CYFIP1: variants seen among roughly 807,000 people sequenced by gnomAD.
The protein encoded by CYFIP1 is cytoplasmic FMR1 interacting protein 1, also known as cytoplasmic FMR1-interacting protein 1.
Under a neutral mutation model 163.5 loss-of-function variants are expected in CYFIP1, and 58 were observed. The observed-to-expected ratio is 0.35, with a 90% CI of 0.29 to 0.44. The LOEUF (loss-of-function observed/expected upper bound fraction) is 0.44. Among genes scored for constraint, CYFIP1 ranks in the 20% least tolerant of loss-of-function variants. The pLI is 1.00. For synonymous variants in CYFIP1, 663 were observed against 660.7 expected (o/e 1.00, Z -0.05); for missense variants, 1,338 against 1,653.8 (o/e 0.81, Z 3.31).
chr15:22,909,768 C>T (rs906868349), intron 20 of CYFIP1, among the ~76,000 whole-genome samples: 2 of 151,532 alleles, frequency 1.3e-5, no homozygotes, highest in Non-Finnish European at 2.9e-5. Context: ...AGTAAGTGTA[C>T]ATATTTATGG....
intron 25 of CYFIP1, 79 bp downstream of exon 25, chr15:22,881,767 C>T: frequency 7.3e-7 from 1 of 1,378,356 alleles, no homozygotes; most frequent in East Asian, 2.4e-5. Flanking sequence ...AAATCTAATC[C>T]TTCTCAAGAA....
At chr15:22,895,395 C>A (rs1245659942) in intron 22 of CYFIP1, among the ~76,000 whole-genome samples, 1 of 152,160 alleles carries the variant, frequency 6.6e-6, no homozygotes, top group Non-Finnish European at 1.5e-5. Flanking sequence ...AAACAATCTG[C>A]CTGCCTTGGC....
chr15:22,980,681 C>A (rs755501469), upstream of CYFIP1, among the ~76,000 whole-genome samples: 18 of 151,906 alleles, frequency 1.2e-4, 1 homozygote, highest in Admixed American at 1.2e-3. Flanking sequence ...GGGTCCGCAC[C>A]CTGTCCCGGG....
At chr15:22,972,211 G>A (rs898144451) in intron 1 of CYFIP1, among the ~76,000 whole-genome samples, 2 of 152,106 alleles carry the variant, frequency 1.3e-5, no homozygotes, top group South Asian at 2.1e-4. Context: ...TGAGGTGGGC[G>A]GATCACCTGA....
rs539967353 is a variant in CYFIP1 at position 22,954,358 on chromosome 15, ACAGGTAG to A, written c.-6-7074_-6-7068del. On this transcript the variant is annotated intron_variant, in intron 1 of 30. Coordinates refer to ENST00000617928, the MANE Select transcript of CYFIP1 (RefSeq NM_014608.6). ...CTGGCAAATGAACACAGAGCCAAGA[ACAGGTAG>A]GACGGAGTCACCCAGGTGGGACGCA... Among the ~76,000 whole-genome samples, 34 of 152,338 alleles carry A rather than the reference ACAGGTAG, an allele frequency of 2.2e-4. No homozygotes were observed. The East Asian group carries it at 6.4e-3, about 29-fold the overall frequency.
chr15:22,941,461 T>C (rs1022844079), intron 6 of CYFIP1, among the ~76,000 whole-genome samples: 1 of 152,048 alleles, frequency 6.6e-6, no homozygotes, highest in Non-Finnish European at 1.5e-5. Context: ...AGCCTCACCA[T>C]AACCATATGA....
chr15:22,935,006 T>A (rs752607962), intron 9 of CYFIP1, among the ~76,000 whole-genome samples: 1 of 152,186 alleles, frequency 6.6e-6, no homozygotes, highest in Non-Finnish European at 1.5e-5. Flanking sequence ...TCAAATTTTT[T>A]AAATGTCCAT....
intron 25 of CYFIP1, 75 bp from the exon 26 acceptor site, chr15:22,880,118 G>A (rs1488547733): frequency 3.2e-6 from 5 of 1,585,792 alleles, no homozygotes; most frequent in Non-Finnish European, 4.3e-6. Flanking sequence ...CCACAGCCAG[G>A]AGCACCTGCC....
chr15:22,952,382 G>A (rs1252672855), intron 1 of CYFIP1, among the ~76,000 whole-genome samples: 3 of 152,038 alleles, frequency 2.0e-5, no homozygotes, highest in Admixed American at 6.6e-5. Flanking sequence ...GGGGGAGGAC[G>A]CGGTGGCTCC....
chr15:22,918,176 GTTA>G (rs2061057641), intron 14 of CYFIP1, among the ~76,000 whole-genome samples: 1 of 152,232 alleles, frequency 6.6e-6, no homozygotes, highest in Non-Finnish European at 1.5e-5. Flanking sequence ...GTTCGCATCT[GTTA>G]GCCCAGGGCA....
intron 13 of CYFIP1, among the ~76,000 whole-genome samples, chr15:22,921,056 C>A (rs987961722): frequency 6.6e-6 from 1 of 151,958 alleles, no homozygotes; most frequent in Non-Finnish European, 1.5e-5. Context: ...CAAAATAAAC[C>A]CCCCCAAAAT....
chr15:22,909,372 C>T (rs1302992251), intron 20 of CYFIP1, 59 bp from the exon 21 acceptor site: 2 of 1,599,452 alleles, frequency 1.3e-6, no homozygotes, highest in Non-Finnish European at 1.7e-6. Context: ...TCGAAAACAA[C>T]AAACGCCTCA....
intron 13 of CYFIP1, among the ~76,000 whole-genome samples, chr15:22,920,651 A>G (rs1314537747): frequency 1.3e-5 from 2 of 152,144 alleles, no homozygotes; most frequent in Non-Finnish European, 2.9e-5. Flanking sequence ...TTCATGTAAG[A>G]CTCATGGTCT....
In CYFIP1 at chr15:22,917,813, C is replaced by T. The variant is rs754508864; in HGVS notation, c.1649G>A (p.Arg550His). 8.1e-6 allele frequency: 13 copies of T among 1,612,366 alleles called. No homozygotes were observed. Among genetic ancestry groups the T allele is most frequent in the African/African-American group, 2.7e-5 (2 of 74,896 alleles). The part of the protein sequence containing the change: ...KSGFDIKVPR[R>H]AVGPSSTQLY... ...CTGAGTGCTGGAGGGTCCCACGGCG[C>T]GGCGTGGTACTTTTATGTCGAAGCC... Residue 550 changes from arginine to histidine, a missense_variant, in exon 15 of 31, where the codon CGC becomes CAC. Arg to His is a conservative substitution (Grantham distance 29). This residue lies in a region of CYFIP1 where 824 missense variants were observed against 995.7 expected (regional missense o/e 0.83). Transcript: ENST00000617928. The surrounding 1 kb of genome is among the most constrained non-coding windows in gnomAD (Gnocchi z 4.2).
intron 6 of CYFIP1, among the ~76,000 whole-genome samples, chr15:22,940,706 C>T (rs2166258): frequency 0.25 from 37,464 of 152,152 alleles, 5,057 homozygotes; most frequent in East Asian, 0.48. Flanking sequence ...TACAGTTAAA[C>T]GTAATATTAA....
intron 11 of CYFIP1, among the ~76,000 whole-genome samples, chr15:22,928,527 C>T (rs1234574854): frequency 3.3e-5 from 5 of 152,172 alleles, no homozygotes; most frequent in Non-Finnish European, 5.9e-5. Context: ...AGGGACAGGC[C>T]GCTGCCACAG....
chr15:22,898,791 C>T (rs891516531), intron 22 of CYFIP1, among the ~76,000 whole-genome samples: 4 of 151,968 alleles, frequency 2.6e-5, no homozygotes, highest in African/African-American at 9.7e-5. Context: ...ATTATGAGGT[C>T]AGGAGATCAA....
Position 22,944,597 on chromosome 15 carries a change from C to T in CYFIP1, c.348G>A (p.Glu116=). 1 of 1,613,752 alleles carries T rather than the reference C, an allele frequency of 6.2e-7. No homozygotes were observed. Among genetic ancestry groups the T allele is most frequent in the African/African-American group, 1.3e-5 (1 of 75,036 alleles). ...AATTCATCAGTTTTGTGACCTCAGGCTCCAGAACCTCCACGGTTTTCTCGT... is the reference window on the plus strand; with the variant it reads ...AATTCATCAGTTTTGTGACCTCAGGTTCCAGAACCTCCACGGTTTTCTCGT... ...EIYEKTVEVL[E]PEVTKLMNFM... is the part of the protein sequence containing the mutation. Residue 116 remains glutamate, a synonymous_variant, in exon 5 of 31, where the codon GAG becomes GAA. Transcript: ENST00000617928.
At chr15:22,927,470 C>T (rs189465237) in intron 12 of CYFIP1, among the ~76,000 whole-genome samples, 1,890 of 121,074 alleles carry the variant, frequency 0.016, 79 homozygotes, top group East Asian at 0.12. Flanking sequence ...GCAACAAGAG[C>T]GAAACTCCGT....
Sources: gnomAD v4.1 joint callset for allele counts (sites outside exome capture counted in the v4.1 genomes callset) on GRCh38, gnomAD v4.1.1 for gene constraint, gnomAD v4.1.1 regional missense constraint, Gnocchi (gnomAD v3.1) non-coding constraint, MANE v1.5 for transcripts, NCBI Gene and HGNC (gene_info 2026-07-23, HGNC 2026-07-21) for gene names.